Variants in MAP3K10 observed in about 807,000 individuals in gnomAD.
MAP3K10 encodes the protein MKN28 derived nonreceptor_type serine/threonine kinase.
A neutral mutation model predicts 75.0 loss-of-function variants in MAP3K10; 22 were observed. The observed-to-expected ratio is 0.29, with a 90% CI of 0.21 to 0.42. MAP3K10 has a LOEUF of 0.42. Ranked by LOEUF, MAP3K10 falls within the 10% of genes least tolerant of loss-of-function variation. The pLI is 1.00. For missense variants in MAP3K10, 1,165 were observed against 1,379.8 expected, an observed-to-expected ratio of 0.84 and a Z score of 2.47; for synonymous variants, 599 against 612.9, an observed-to-expected ratio of 0.98 and a Z score of 0.34.
chr19:40,207,692 G>A lies in MAP3K10; in HGVS notation c.1436-1411G>A, dbSNP rs560241996. On this transcript the variant is annotated intron_variant, in intron 5 of 9. Coordinates refer to ENST00000253055, the MANE Select transcript of MAP3K10 (RefSeq NM_002446.4). ...AGAGGTTGCAGTGAGCCGAGATCGC[G>A]CCATTGTACTCCAGCCTGGGCGACA... 5.3e-5 allele frequency among the ~76,000 whole-genome samples: 8 copies of A among 152,154 alleles called. No individual in the cohort carries two copies. The South Asian group carries it at 6.2e-4, about 12-fold the overall frequency.
intron 2 of MAP3K10, among the ~76,000 whole-genome samples, chr19:40,202,118 G>A (rs1033560190): frequency 6.6e-6 from 1 of 152,102 alleles, no homozygotes; most frequent in Non-Finnish European, 1.5e-5. Context: ...TCAGCTCACT[G>A]CAAGCTCCGC....
intron 6 of MAP3K10, among the ~76,000 whole-genome samples, chr19:40,210,952 C>T (rs1973227843): frequency 6.6e-6 from 1 of 152,232 alleles, no homozygotes; most frequent in African/African-American, 2.4e-5. Context: ...CATCCAGCAA[C>T]ACCCTCACAG....
intron 2 of MAP3K10, among the ~76,000 whole-genome samples, chr19:40,202,764 C>T (rs952824451): frequency 1.3e-5 from 2 of 152,274 alleles, no homozygotes; most frequent in East Asian, 1.9e-4. Context: ...TCCCACCTCA[C>T]ACTCTTTCCC....
rs374027709 is a variant in MAP3K10, at chr19:40,198,505, G to A, written c.813G>A (p.Ala271=). Residue 271 remains alanine (A), a synonymous_variant, in exon 2 of 10, where the codon GCG becomes GCA. Coordinates refer to ENST00000253055, the MANE Select transcript of MAP3K10 (RefSeq NM_002446.4). This position sits in a 1 kb window ranked among gnomAD's most constrained non-coding sequence, Gnocchi z 4.3. ...CTGCGGGGACCTACGCCTGGATGGCGCCGGAGGTTATCCGTCTCTCCCTCT... is the reference window on the plus strand; with the variant it reads ...CTGCGGGGACCTACGCCTGGATGGCACCGGAGGTTATCCGTCTCTCCCTCT... The part of the protein sequence containing the change: ...MSAAGTYAWM[A]PEVIRLSLFS... 6.1e-5 allele frequency: 98 copies of A among 1,613,870 alleles called. No individual in the cohort carries two copies. Among genetic ancestry groups the A allele is most frequent in the African/African-American group, 1.1e-4 (8 of 74,906 alleles).
chr19:40,211,326 T>C (rs1289294074), intron 6 of MAP3K10, among the ~76,000 whole-genome samples: 1 of 151,680 alleles, frequency 6.6e-6, no homozygotes. Context: ...TCTTTTTTTT[T>C]TTTTTTTTTA....
Position 40,213,941 on chromosome 19 carries a change from C to G in MAP3K10, c.2262C>G (p.Asp754Glu), listed in dbSNP as rs762171182. Residue 754 changes from aspartate to glutamate, a missense_variant, in exon 9 of 10, where the codon GAC becomes GAG. Transcript: ENST00000253055. This position sits in a 1 kb window ranked among gnomAD's most constrained non-coding sequence, Gnocchi z 5.7. ...TCGTGTCGCTGTCGTCCGTGTCCGACTGCAACTCCACGCGTTCACTGCTGC... is the reference window on the plus strand; with the variant it reads ...TCGTGTCGCTGTCGTCCGTGTCCGAGTGCAACTCCACGCGTTCACTGCTGC... ...ATLVSLSSVS[D>E]CNSTRSLLRS... 5.2e-6 allele frequency: 8 copies of G among 1,531,170 alleles called. No homozygotes were observed. In the South Asian group the frequency reaches 9.7e-5, roughly 19 times the overall value. 94.8% of individuals were successfully genotyped at this position (1,531,170 alleles called of 1,614,324 possible).
In MAP3K10 at chr19:40,205,588, C is replaced by T. The variant is rs185963762; in HGVS notation, c.1188+292C>T. The T allele has an allele frequency of 9.3e-6, 5 of 535,892 alleles. No individual in the cohort carries two copies. The highest frequency in any genetic ancestry group is 3.7e-5 in the African/African-American group (2 of 53,368). The allele number at this position is 535,892 out of a possible 1,614,324, so 33.2% of individuals were successfully genotyped here. On this transcript the variant is annotated intron_variant, in intron 4 of 9. Coordinates refer to ENST00000253055, the MANE Select transcript of MAP3K10 (RefSeq NM_002446.4). This position sits in a 1 kb window ranked among gnomAD's most constrained non-coding sequence, Gnocchi z 4.3. ...GAGAGAAGGACGGGGATACAAGATT[C>T]GCAAAGCATAGGTAATTGTTGAAAT...
intron 1 of MAP3K10, among the ~76,000 whole-genome samples, chr19:40,193,289 A>G (rs769271671): frequency 1.3e-5 from 2 of 151,988 alleles, no homozygotes; most frequent in Non-Finnish European, 2.9e-5. Flanking sequence ...GGGCAGAATC[A>G]CCCCCAGTTG....
rs1568495450 is a variant in MAP3K10, at chr19:40,214,022, C to G, written c.2343C>G (p.Pro781=). 2 of 1,513,184 alleles carry G rather than the reference C, an allele frequency of 1.3e-6. No individual in the cohort carries two copies. Among genetic ancestry groups the G allele is most frequent in the Admixed American group, 2.0e-5 (1 of 49,216 alleles). 93.7% of individuals were successfully genotyped at this position (1,513,184 alleles called of 1,614,324 possible). ...CGCCCTCCCCACCACCCTCCCCGCC[C>G]GCGCCCACACCCACGCCCTCGCCCA... ...PAAPSPPPSP[P]APTPTPSPST... Residue 781 remains proline (P), a synonymous_variant, in exon 9 of 10, where the codon CCC becomes CCG. Transcript: ENST00000253055.
Position 40,195,246 on chromosome 19 carries a change from G to A in MAP3K10, c.682+2533G>A, listed in dbSNP as rs58675277. ...GCCATTAGAGGATTTGAAGCAGGGA[G>A]TGACATGATTACATAAAGATTTTGA... On this transcript the variant is annotated intron_variant, in intron 1 of 9. Transcript: ENST00000253055. 2.2e-3 allele frequency among the ~76,000 whole-genome samples: 332 copies of A among 152,212 alleles called. 2 individuals are homozygous for A. The highest frequency in any genetic ancestry group is 7.8e-3 in the African/African-American group (323 of 41,522).
chr19:40,204,421 G>T lies in MAP3K10; in HGVS notation c.864-64G>T. On this transcript the variant is annotated intron_variant, in intron 2 of 9. Transcript: ENST00000253055. This position sits in a 1 kb window ranked among gnomAD's most constrained non-coding sequence, Gnocchi z 4.3. ...CAGCCCTGCATGGGACCAAGGGCAG[G>T]GCTGGGTATAGGTGAGGATTGGGGT... 1 of 1,560,464 alleles carries T rather than the reference G, an allele frequency of 6.4e-7. No homozygotes were observed. The highest frequency in any genetic ancestry group is 8.7e-7 in the Non-Finnish European group (1 of 1,152,654).
At position 40,192,272 on chromosome 19, in the gene MAP3K10, C is replaced by T. The variant is rs374135624; in HGVS notation, c.241C>T (p.Pro81Ser). 1.9e-6 allele frequency: 3 copies of T among 1,601,594 alleles called. No homozygotes were observed. Among genetic ancestry groups the T allele is most frequent in the African/African-American group, 2.7e-5 (2 of 74,752 alleles). ...CAGCAACTACGTGGCCCCCGGCGCC[C>T]CCGCTGCACCCGCGGGCCTCCAGCT... Reference protein sequence around the residue: ...FPSNYVAPGAPAAPAGLQLPQ... With the variant: ...FPSNYVAPGASAAPAGLQLPQ... Residue 81 changes from proline to serine, a missense_variant, in exon 1 of 10, where the codon CCC (proline) becomes TCC (serine). Around this residue, in one of 2 missense-constraint regions of MAP3K10, gnomAD observed 575 missense variants for 793.2 expected, o/e 0.72. Coordinates refer to ENST00000253055, the MANE Select transcript of MAP3K10 (RefSeq NM_002446.4). The surrounding 1 kb of genome is among the most constrained non-coding windows in gnomAD (Gnocchi z 7.1).
Position 40,191,921 on chromosome 19 carries a change from C to A in MAP3K10, c.-111C>A. On this transcript the variant is annotated 5_prime_UTR_variant, in exon 1 of 10. Transcript: ENST00000253055. Reference sequence around the variant, plus strand: ...GCGCCCCAGCCATGGCCCTCAGGAGCTCCCTAGACCCCGCAGGGACTGCCC... The same window carrying A: ...GCGCCCCAGCCATGGCCCTCAGGAGATCCCTAGACCCCGCAGGGACTGCCC... 1.6e-6 allele frequency: 1 copy of A among 627,900 alleles called. No individual in the cohort carries two copies. The highest frequency in any genetic ancestry group is 2.5e-6 in the Non-Finnish European group (1 of 402,732). 38.9% of individuals were successfully genotyped at this position (627,900 alleles called of 1,614,324 possible).
chr19:40,213,372 G>T lies in MAP3K10; in HGVS notation c.1838-145G>T, dbSNP rs1973277037. The T allele has an allele frequency of 2.0e-6, 3 of 1,463,734 alleles. No individual in the cohort carries two copies. Among genetic ancestry groups the T allele is most frequent in the Non-Finnish European group, 2.7e-6 (3 of 1,111,176 alleles). The allele number at this position is 1,463,734 out of a possible 1,614,324, so 90.7% of individuals were successfully genotyped here. Reference sequence around the variant, plus strand: ...GGGGCAGGGACCACCCTTCTCTGAGGCTTCTCCTGGAGACAGATTCAAGAA... The same window carrying T: ...GGGGCAGGGACCACCCTTCTCTGAGTCTTCTCCTGGAGACAGATTCAAGAA... On this transcript the variant is annotated intron_variant, in intron 8 of 9. Transcript: ENST00000253055. The surrounding 1 kb of genome is among the most constrained non-coding windows in gnomAD (Gnocchi z 5.7).
rs745678555 is a variant in MAP3K10 at position 40,209,179 on chromosome 19, T to A, written c.1512T>A (p.Pro504=). ...AAGGATCCGATGGGGCCAGCCCCCC[T>A]GCAAGCCCCAGCATCATCCCCCGGC... ...KRKGSDGASP[P]ASPSIIPRLR... Residue 504 remains proline, a synonymous_variant, in exon 6 of 10, where the codon CCT becomes CCA. Transcript: ENST00000253055. The A allele has an allele frequency of 9.3e-6, 15 of 1,614,186 alleles. No individual in the cohort carries two copies. The Admixed American group carries it at 2.3e-4, about 25-fold the overall frequency.
At chr19:40,195,926 A>G (rs1246090919) in intron 1 of MAP3K10, among the ~76,000 whole-genome samples, 1 of 152,184 alleles carries the variant, frequency 6.6e-6, no homozygotes, top group African/African-American at 2.4e-5. Flanking sequence ...TATTATTATT[A>G]TGACTGGGAA....
chr19:40,197,387 G>A (rs143646054), intron 1 of MAP3K10, among the ~76,000 whole-genome samples: 1,608 of 151,882 alleles, frequency 0.011, 27 homozygotes, highest in African/African-American at 0.037. Context: ...GTTCAATGGC[G>A]CAATCTCAGC....
chr19:40,208,120 T>A (rs1268979703), intron 5 of MAP3K10, among the ~76,000 whole-genome samples: 1 of 152,150 alleles, frequency 6.6e-6, no homozygotes, highest in African/African-American at 2.4e-5. Context: ...CATGCTTAAA[T>A]GTTTCCAATA....
chr19:40,209,352 A>ATCACAGG, intron 6 of MAP3K10, 133 bp downstream of exon 6: 1 of 598,286 alleles, frequency 1.7e-6, no homozygotes, highest in Non-Finnish European at 2.9e-6. Flanking sequence ...CCTCATTCTT[A>ATCACAGG]TCACAGGAAA....
Sources: allele counts gnomAD v4.1 joint callset (sites outside exome capture counted in the v4.1 genomes callset), GRCh38; gene constraint gnomAD v4.1.1; regional missense constraint gnomAD v4.1.1; non-coding constraint Gnocchi (gnomAD v3.1); transcripts MANE v1.5; gene names NCBI Gene and HGNC (gene_info 2026-07-23, HGNC 2026-07-21).